Variants in AKAP10 observed in about 807,000 individuals in gnomAD.
AKAP10 encodes the protein A-kinase anchoring protein 10, also known as A-kinase anchor protein 10, mitochondrial.
In AKAP10, 24 loss-of-function variants were observed where a neutral mutation model predicts 80.8. That is an observed-to-expected ratio of 0.30 (90% confidence interval 0.22 to 0.42). The LOEUF (loss-of-function observed/expected upper bound fraction) is 0.42, where lower values mean the gene tolerates loss of function less well. Ranked by LOEUF, AKAP10 falls within the 10% of genes least tolerant of loss-of-function variation. The pLI, the probability that AKAP10 is intolerant of heterozygous loss-of-function variation, is 1.00. For missense variants in AKAP10, 661 were observed against 794.9 expected (o/e 0.83, Z 2.03); for synonymous variants, 291 against 277.7 (o/e 1.05, Z -0.48).
At chr17:19,909,836 G>T (rs2042669841) in intron 13 of AKAP10, 90 bp downstream of exon 13, 4 of 1,118,956 alleles carry the variant, frequency 3.6e-6, no homozygotes, top group Non-Finnish European at 5.3e-6. Flanking sequence ...CTTAAACATG[G>T]GACCTAAAGA....
chr17:19,946,269 A>T lies in AKAP10; in HGVS notation c.976+1138T>A, dbSNP rs1394353097. Among the ~76,000 whole-genome samples the T allele has an allele frequency of 3.9e-3, 101 of 26,022 alleles. 7 individuals are homozygous for T. Among genetic ancestry groups the T allele is most frequent in the Non-Finnish European group, 5.1e-3 (79 of 15,602 alleles). The allele number at this position is 26,022 out of a possible 152,430, so 17.1% of individuals were successfully genotyped here. ...TATATATATATATATATATATATAT[A>T]TATATATTTTTTTTTTTTTTTTTTT... On this transcript the variant is annotated intron_variant, in intron 5 of 14. Transcript: ENST00000225737.
intron 4 of AKAP10, among the ~76,000 whole-genome samples, chr17:19,950,839 G>A (rs1052919600): frequency 1.3e-5 from 2 of 151,488 alleles, no homozygotes; most frequent in Non-Finnish European, 2.9e-5. Context: ...CCTCTTCCCG[G>A]CTGCCATCCC....
intron 5 of AKAP10, 72 bp downstream of exon 5, chr17:19,947,335 C>A: frequency 8.6e-7 from 1 of 1,167,780 alleles, no homozygotes; most frequent in Non-Finnish European, 1.3e-6. Flanking sequence ...TTATCTTAGT[C>A]AATAACGAAA....
chr17:19,974,086 C>G lies in AKAP10; in HGVS notation c.88+3506G>C, dbSNP rs538291230. Among the ~76,000 whole-genome samples the G allele has an allele frequency of 2.6e-5, 4 of 151,950 alleles. No individual in the cohort carries two copies. The East Asian group carries it at 7.8e-4, about 29-fold the overall frequency. ...GCATGCCTGTAATTCCAGCTACTTG[C>G]GAGGCTGAGGCAGGAGAATCACTTG... is the stretch of plus-strand genomic sequence containing the variant. On this transcript the variant is annotated intron_variant, in intron 1 of 14. Transcript: ENST00000225737.
intron 4 of AKAP10, 114 bp from the exon 5 acceptor site, chr17:19,947,619 C>T (rs1344877517): frequency 2.6e-6 from 2 of 777,518 alleles, no homozygotes; most frequent in Admixed American, 4.4e-5. Flanking sequence ...GCAAAATAAA[C>T]TTCCATCACA....
intron 10 of AKAP10, among the ~76,000 whole-genome samples, chr17:19,928,522 A>G (rs182367129): frequency 1.6e-4 from 25 of 152,286 alleles, no homozygotes; most frequent in Admixed American, 1.5e-3. Context: ...CAGTTTTTCA[A>G]TAAGTTTAAG....
At chr17:19,941,319 C>A (rs1207444080) in intron 6 of AKAP10, among the ~76,000 whole-genome samples, 1 of 152,188 alleles carries the variant, frequency 6.6e-6, no homozygotes, top group Non-Finnish European at 1.5e-5. Flanking sequence ...CCACGTCTTA[C>A]ACAGAGCACT....
intron 4 of AKAP10, among the ~76,000 whole-genome samples, chr17:19,947,837 C>T (rs1026510516): frequency 6.6e-6 from 1 of 151,976 alleles, no homozygotes; most frequent in African/African-American, 2.4e-5. Context: ...TGAAGACAGC[C>T]CCTATTGGAG....
At chr17:19,932,215 C>T (rs1424201652) in intron 9 of AKAP10, among the ~76,000 whole-genome samples, 1 of 151,906 alleles carries the variant, frequency 6.6e-6, no homozygotes, top group Non-Finnish European at 1.5e-5. Context: ...CTCTAGGAGG[C>T]CGAGGCAGAC....
chr17:19,918,846 C>G (rs1219129820), intron 12 of AKAP10, among the ~76,000 whole-genome samples: 1 of 152,020 alleles, frequency 6.6e-6, no homozygotes, highest in African/African-American at 2.4e-5. Flanking sequence ...GTTGTCTAAC[C>G]CTTGGATTTG....
chr17:19,920,164 T>A, intron 11 of AKAP10, 46 bp from the exon 12 acceptor site: 1 of 1,400,622 alleles, frequency 7.1e-7, no homozygotes, highest in Non-Finnish European at 1.0e-6. Context: ...CAATCAGTTT[T>A]AAATTTAGGA....
intron 14 of AKAP10, among the ~76,000 whole-genome samples, chr17:19,906,926 G>A (rs2042636982): frequency 6.6e-6 from 1 of 152,072 alleles, no homozygotes; most frequent in South Asian, 2.1e-4. Context: ...CTACTAATGA[G>A]GACATGAGGA....
Position 19,974,793 on chromosome 17 carries a change from G to A in AKAP10, c.88+2799C>T, listed in dbSNP as rs114114521. Among the ~76,000 whole-genome samples, 1,198 of 151,686 alleles carry A rather than the reference G, an allele frequency of 7.9e-3. 24 individuals carry two copies. Among genetic ancestry groups the A allele is most frequent in the African/African-American group, 0.027 (1,129 of 41,328 alleles). Reference sequence around the variant, plus strand: ...CAGCCTCAAACTCCTGGGCTCAAGTGATCTTTCTGCTTCAGCCTCCTGAAT... The same window carrying A: ...CAGCCTCAAACTCCTGGGCTCAAGTAATCTTTCTGCTTCAGCCTCCTGAAT... On this transcript the variant is annotated intron_variant, in intron 1 of 14. Transcript: ENST00000225737.
chr17:19,906,069 T>C lies in AKAP10; in HGVS notation c.*158A>G. 1 of 727,274 alleles carries C rather than the reference T, an allele frequency of 1.4e-6. No individual in the cohort carries two copies. The highest frequency in any genetic ancestry group is 2.3e-6 in the Non-Finnish European group (1 of 443,564). 45.1% of individuals were successfully genotyped at this position (727,274 alleles called of 1,614,324 possible). A position where few individuals can be genotyped will look rare whatever the true frequency, so the allele number is the denominator to read the frequency against. On this transcript the variant is annotated 3_prime_UTR_variant, in exon 15 of 15. Coordinates refer to ENST00000225737, the MANE Select transcript of AKAP10 (RefSeq NM_007202.4). ...ATTATGCCTACAGGTAACTGCATTA[T>C]GGTGGAAGTCTAGGATTGTCTCCCA...
In AKAP10 at chr17:19,958,368, T is replaced by G. The variant is rs1197786051; in HGVS notation, c.523A>C (p.Asn175His). Residue 175 changes from asparagine to histidine, a missense_variant, in exon 4 of 15, where the codon AAC becomes CAC. Transcript: ENST00000225737. ...TWSRIRAHSL[N>H]TVKQSSLAEP... is the part of the protein sequence containing the mutation. ...GCCAGTGAGCTCTGCTTCACTGTGT[T>G]TAGACTGTGTGCTCTTATTCGCGAC... 3 of 1,614,110 alleles carry G rather than the reference T, an allele frequency of 1.9e-6. No homozygotes were observed. Among genetic ancestry groups the G allele is most frequent in the Non-Finnish European group, 2.5e-6 (3 of 1,180,040 alleles).
At chr17:19,947,556 G>T in intron 4 of AKAP10, 51 bp from the exon 5 acceptor site, 1 of 1,196,020 alleles carries the variant, frequency 8.4e-7, no homozygotes, top group Non-Finnish European at 1.2e-6. Context: ...TTGGACTCCA[G>T]TAATGAATTA....
At chr17:19,944,430 T>C (rs150140114) in intron 5 of AKAP10, among the ~76,000 whole-genome samples, 1,747 of 152,112 alleles carry the variant, frequency 0.011, 11 homozygotes, top group Non-Finnish European at 0.019. Flanking sequence ...GGTGAGTAGA[T>C]CATGAGGTCA....
At chr17:19,976,569 G>C (rs545622020) in intron 1 of AKAP10, among the ~76,000 whole-genome samples, 2 of 151,904 alleles carry the variant, frequency 1.3e-5, no homozygotes, top group South Asian at 4.2e-4. Flanking sequence ...GCCCAGGCTG[G>C]AGTGCAATGG....
At chr17:19,945,663 G>A (rs2043095657) in intron 5 of AKAP10, among the ~76,000 whole-genome samples, 1 of 152,144 alleles carries the variant, frequency 6.6e-6, no homozygotes, top group Admixed American at 6.6e-5. Flanking sequence ...TAGCTAACTG[G>A]AAGGTACAGT....
Sources: gnomAD v4.1 joint callset for allele counts (sites outside exome capture counted in the v4.1 genomes callset) on GRCh38, gnomAD v4.1.1 for gene constraint, MANE v1.5 for transcripts, NCBI Gene and HGNC (gene_info 2026-07-23, HGNC 2026-07-21) for gene names.